The following DOCK10 variants were observed in gnomAD, a reference collection of about 807,000 sequenced individuals.
DOCK10 encodes dedicator of cytokinesis protein 10.
In DOCK10, 145 loss-of-function variants were observed where a neutral mutation model predicts 280.1. The ratio of observed to expected loss-of-function variants is 0.52; its 90% CI spans 0.45 to 0.59. DOCK10 has a LOEUF of 0.59. Among genes scored for constraint, DOCK10 ranks in the 20% least tolerant of loss-of-function variants. The probability of loss-of-function intolerance (pLI) is 0.00; values close to 1 mark genes in which losing one functional copy is unlikely to be tolerated. For synonymous variants in DOCK10, 915 were observed against 942.2 expected, an observed-to-expected ratio of 0.97 and a Z score of 0.53; for missense variants, 2,368 against 2,651.7, an observed-to-expected ratio of 0.89 and a Z score of 2.35.
intron 1 of DOCK10, among the ~76,000 whole-genome samples, chr2:225,026,345 T>G (rs561938260): frequency 6.6e-6 from 1 of 152,234 alleles, no homozygotes; most frequent in Admixed American, 6.5e-5. Flanking sequence ...GCAGGCAGAA[T>G]GGAGGGTGGA....
rs553312467 is a variant in DOCK10 at position 224,871,416 on chromosome 2, C to T, written c.1257+2580G>A. 2.0e-4 allele frequency among the ~76,000 whole-genome samples: 30 copies of T among 152,288 alleles called. 2 individuals are homozygous for T. In the East Asian group the frequency reaches 2.3e-3, roughly 12 times the overall value. ...CAATCCACCCATTTCTCTCCTTCTC[C>T]CTTGCCAGCCCTTGTTCAAGCCATG... is the stretch of plus-strand genomic sequence containing the variant. On this transcript the variant is annotated intron_variant, in intron 11 of 55. Coordinates refer to ENST00000258390, the MANE Select transcript of DOCK10 (RefSeq NM_014689.3).
At chr2:224,904,929 A>G (rs1700505170) in intron 3 of DOCK10, among the ~76,000 whole-genome samples, 1 of 152,190 alleles carries the variant, frequency 6.6e-6, no homozygotes, top group South Asian at 2.1e-4. Flanking sequence ...TATTTCTTTC[A>G]GTTAAAAATG....
Position 224,823,593 on chromosome 2 carries a change from C to A in DOCK10, c.3091G>T (p.Val1031Phe). ...ATCACATGGTCGGATAGGACCATGA[C>A]AAGATTGTCCAATTCATTTTGGTAA... The part of the protein sequence containing the change: ...ESYQNELDNL[V>F]MVLSDHVIWK... The change falls in exon 28 of 56, where the codon GTC becomes TTC. Residue 1031 changes from valine (V) to phenylalanine (F), a missense_variant. Coordinates refer to ENST00000258390, the MANE Select transcript of DOCK10 (RefSeq NM_014689.3). 6.2e-7 allele frequency: 1 copy of A among 1,605,292 alleles called. No individual in the cohort carries two copies. Among genetic ancestry groups the A allele is most frequent in the Non-Finnish European group, 8.5e-7 (1 of 1,177,386 alleles).
intron 1 of DOCK10, among the ~76,000 whole-genome samples, chr2:225,014,088 T>A (rs1263480646): frequency 0.042 from 4,499 of 107,692 alleles, 138 homozygotes; most frequent in Non-Finnish European, 0.054. Flanking sequence ...TATATTGTTT[T>A]TTTTTTTTTG....
At chr2:224,975,521 T>C (rs1043673104) in intron 1 of DOCK10, among the ~76,000 whole-genome samples, 1 of 152,192 alleles carries the variant, frequency 6.6e-6, no homozygotes, top group African/African-American at 2.4e-5. Flanking sequence ...TTCATACATA[T>C]ACTGAAAAAG....
chr2:224,847,454 C>T (rs1179396800), intron 19 of DOCK10, among the ~76,000 whole-genome samples: 1 of 152,098 alleles, frequency 6.6e-6, no homozygotes. Flanking sequence ...TGAGTAGTTC[C>T]CAGAACTGTC....
At chr2:224,783,091 A>T (rs1691468542) in intron 50 of DOCK10, among the ~76,000 whole-genome samples, 1 of 152,158 alleles carries the variant, frequency 6.6e-6, no homozygotes, top group South Asian at 2.1e-4. Flanking sequence ...GTCTTGAGAC[A>T]GGCATTTGAA....
chr2:224,853,216 A>G lies in DOCK10; in HGVS notation c.1889-94T>C, dbSNP rs1696875971. 3.5e-6 allele frequency: 4 copies of G among 1,127,108 alleles called. No homozygotes were observed. The South Asian group carries it at 6.7e-5, about 19-fold the overall frequency. The allele number at this position is 1,127,108 out of a possible 1,614,324, so 69.8% of individuals were successfully genotyped here. A position where few individuals can be genotyped will look rare whatever the true frequency, so the allele number is the denominator to read the frequency against. On this transcript the variant is annotated intron_variant, in intron 16 of 55. Transcript: ENST00000258390. Reference sequence around the variant, plus strand: ...GTTTTAAAATGAACCCACTCAAGATAGAAACTCCTGGCTTGTACACCAATT... The same window carrying G: ...GTTTTAAAATGAACCCACTCAAGATGGAAACTCCTGGCTTGTACACCAATT...
intron 1 of DOCK10, among the ~76,000 whole-genome samples, chr2:224,991,835 G>C (rs72976506): frequency 7.5e-4 from 115 of 152,330 alleles, no homozygotes; most frequent in Non-Finnish European, 1.4e-3. Flanking sequence ...CACTAGAAAG[G>C]TGGATATAAA....
At chr2:224,928,089 T>C (rs1264145293) in intron 2 of DOCK10, among the ~76,000 whole-genome samples, 1 of 152,210 alleles carries the variant, frequency 6.6e-6, no homozygotes, top group Non-Finnish European at 1.5e-5. Flanking sequence ...GCTTGCTGAC[T>C]GCATGGACAC....
intron 1 of DOCK10, among the ~76,000 whole-genome samples, chr2:224,979,979 A>G (rs941847416): frequency 6.8e-6 from 1 of 147,462 alleles, no homozygotes; most frequent in Non-Finnish European, 1.5e-5. Context: ...AAAAAAATCA[A>G]TATACAATAC....
chr2:224,823,150 G>A (rs538480122), intron 28 of DOCK10, among the ~76,000 whole-genome samples: 37 of 151,726 alleles, frequency 2.4e-4, no homozygotes, highest in Non-Finnish European at 4.1e-4. Context: ...ACCACGCCCA[G>A]CTAATTTTTG....
At position 224,770,742 on chromosome 2, in the gene DOCK10, C is replaced by A. The variant is rs1441958498; in HGVS notation, c.6205-97G>T. On this transcript the variant is annotated intron_variant, in intron 53 of 55. Transcript: ENST00000258390. This position sits in a 1 kb window ranked among gnomAD's most constrained non-coding sequence, Gnocchi z 4.5. ...CAACTGTGCACCAATGGTGTGGTACCCCCATCTCACACCCTGCCTTCTAGT... is the reference window on the plus strand; with the variant it reads ...CAACTGTGCACCAATGGTGTGGTACACCCATCTCACACCCTGCCTTCTAGT... 42 of 813,374 alleles carry A rather than the reference C, an allele frequency of 5.2e-5. No individual in the cohort carries two copies. In the East Asian group the frequency reaches 1.0e-3, roughly 20 times the overall value. 50.4% of individuals were successfully genotyped at this position (813,374 alleles called of 1,614,324 possible). A position where few individuals can be genotyped will look rare whatever the true frequency, so the allele number is the denominator to read the frequency against.
At chr2:224,908,734 T>C (rs56121303) in intron 3 of DOCK10, among the ~76,000 whole-genome samples, 28,776 of 152,114 alleles carry the variant, frequency 0.19, 2,802 homozygotes, top group African/African-American at 0.21. Flanking sequence ...TGAGATCAAG[T>C]GATCCTCTTG....
At chr2:224,979,421 C>A (rs1282519483) in intron 1 of DOCK10, among the ~76,000 whole-genome samples, 2 of 152,190 alleles carry the variant, frequency 1.3e-5, no homozygotes, top group African/African-American at 4.8e-5. Flanking sequence ...AACCTCTGGG[C>A]CTGCTTCTTC....
At chr2:225,041,203 G>T (rs1374921361) in intron 1 of DOCK10, among the ~76,000 whole-genome samples, 1 of 152,168 alleles carries the variant, frequency 6.6e-6, no homozygotes, top group Non-Finnish European at 1.5e-5. Flanking sequence ...TTGGTGACTG[G>T]CAAGAGTAAC....
Position 224,807,747 on chromosome 2 carries a change from AG to A in DOCK10, c.3622del (p.Leu1208CysfsTer14). The A allele has an allele frequency of 6.4e-7, 1 of 1,572,114 alleles. No individual in the cohort carries two copies. Among genetic ancestry groups the A allele is most frequent in the Admixed American group, 1.9e-5 (1 of 53,624 alleles). On this transcript the variant is annotated frameshift_variant, in exon 33 of 56. Transcript: ENST00000258390. LOFTEE classifies it high-confidence loss of function. ...QAQIASLYMP[L>X]YGMLLDNMPR... is the part of the protein sequence containing the mutation. ...CATATTGTCCAGGAGCATGCCGTACAGGGGCATGTATAAACTTGCTATCTGG... is the reference window on the plus strand; with the variant it reads ...CATATTGTCCAGGAGCATGCCGTACAGGGCATGTATAAACTTGCTATCTGG...
intron 1 of DOCK10, among the ~76,000 whole-genome samples, chr2:224,961,422 C>CTT (rs1166913735): frequency 9.0e-6 from 1 of 111,150 alleles, no homozygotes; most frequent in African/African-American, 3.6e-5. Context: ...CTCTTTCTTT[C>CTT]TTTCTTTCTT....
chr2:224,938,654 G>T (rs1231530598), intron 1 of DOCK10, among the ~76,000 whole-genome samples: 1 of 152,152 alleles, frequency 6.6e-6, no homozygotes, highest in East Asian at 1.9e-4. Context: ...ATGACACATG[G>T]ATTCTTTAGA....
Sources: allele counts gnomAD v4.1 joint callset (sites outside exome capture counted in the v4.1 genomes callset), GRCh38; gene constraint gnomAD v4.1.1; non-coding constraint Gnocchi (gnomAD v3.1); transcripts MANE v1.5; gene names NCBI Gene and HGNC (gene_info 2026-07-23, HGNC 2026-07-21).